ZNF865: variants seen among roughly 807,000 people sequenced by gnomAD.
ZNF865 encodes zinc finger protein 865.
For synonymous variants in ZNF865, 763 were observed against 750.8 expected, an observed-to-expected ratio of 1.02 and a Z score of -0.27; for missense variants, 1,311 against 1,593.4, an observed-to-expected ratio of 0.82 and a Z score of 3.02.
chr19:55,614,770 CA>C lies in ZNF865; in HGVS notation c.1156del (p.Ser386AlafsTer8). ...AGCCCTTCTCCTGCTCCGTGTGCAGCAAAAGCTTCAACCGCAGGGAGAGTCT... is the reference window on the plus strand; with the variant it reads ...AGCCCTTCTCCTGCTCCGTGTGCAGCAAAGCTTCAACCGCAGGGAGAGTCT... ...EKPFSCSVCS[K>X]SFNRRESLKR... is the part of the protein sequence containing the mutation. On this transcript the variant is annotated frameshift_variant, in exon 2 of 2. Transcript: ENST00000568956. LOFTEE classifies it low-confidence loss of function (END_TRUNC). The surrounding 1 kb of genome is among the most constrained non-coding windows in gnomAD (Gnocchi z 8.0). 1 of 1,571,286 alleles carries C rather than the reference CA, an allele frequency of 6.4e-7. No individual in the cohort carries two copies. The highest frequency in any genetic ancestry group is 2.3e-5 in the East Asian group (1 of 42,820).
intron 1 of ZNF865, among the ~76,000 whole-genome samples, chr19:55,613,288 C>T (rs1280195124): frequency 1.3e-5 from 2 of 152,146 alleles, no homozygotes; most frequent in Middle Eastern, 3.4e-3. Context: ...CTCTACAAAG[C>T]TGTGTCAGGA....
At position 55,615,682 on chromosome 19, in the gene ZNF865, G is replaced by A. The variant is rs1190226416; in HGVS notation, c.2064G>A (p.Lys688=). 30 of 1,534,610 alleles carry A rather than the reference G, an allele frequency of 2.0e-5. No homozygotes were observed. Among genetic ancestry groups the A allele is most frequent in the Non-Finnish European group, 2.6e-5 (30 of 1,146,266 alleles). The change falls in exon 2 of 2, where the codon AAG becomes AAA. Residue 688 remains lysine, a synonymous_variant. Transcript: ENST00000568956. ...ATCTCTTTCACGTCATGAGTCACAA[G>A]GAGGTCCACATGGCAGAGAAGCCAT... is the stretch of plus-strand genomic sequence containing the variant. ...FPDLFHVMSH[K]EVHMAEKPYG...
rs1295666888 is a variant in ZNF865 at position 55,614,834 on chromosome 19, C to T, written c.1216C>T (p.Arg406Cys). 7 of 1,534,810 alleles carry T rather than the reference C, an allele frequency of 4.6e-6. No individual in the cohort carries two copies. The highest frequency in any genetic ancestry group is 6.1e-6 in the Non-Finnish European group (7 of 1,146,800). The change falls in exon 2 of 2, where the codon CGC (arginine) becomes TGC (cysteine). Residue 406 changes from arginine (R) to cysteine (C), a missense_variant. Transcript: ENST00000568956. The surrounding 1 kb of genome is among the most constrained non-coding windows in gnomAD (Gnocchi z 8.0). ...HVKTHSADLL[R>C]LPCGICGKAF... ...GAAGACGCACTCGGCCGACCTCCTG[C>T]GCCTGCCCTGCGGCATCTGCGGGAA...
intron 1 of ZNF865, among the ~76,000 whole-genome samples, chr19:55,607,439 G>GAAAAA (rs112301848): frequency 2.6e-5 from 2 of 78,414 alleles, no homozygotes; most frequent in Non-Finnish European, 2.5e-5. Context: ...GTCTTTACAG[G>GAAAAA]AAAAAAAAAA....
At position 55,616,127 on chromosome 19, in the gene ZNF865, C is replaced by T. The variant is rs1338622062; in HGVS notation, c.2509C>T (p.Leu837=). The T allele has an allele frequency of 6.7e-7, 1 of 1,495,570 alleles. No individual in the cohort carries two copies. The highest frequency in any genetic ancestry group is 8.9e-7 in the Non-Finnish European group (1 of 1,124,784). 92.6% of individuals were successfully genotyped at this position (1,495,570 alleles called of 1,614,324 possible). A position where few individuals can be genotyped will look rare whatever the true frequency, so the allele number is the denominator to read the frequency against. ...QSFAGAYDLL[L]HRRSHRQKRG... ...CTTCGCGGGCGCCTACGACTTGCTC[C>T]TACACCGCCGCAGCCATCGGCAGAA... is the stretch of plus-strand genomic sequence containing the variant. The change falls in exon 2 of 2, where the codon CTA becomes TTA. Residue 837 remains leucine (L), a synonymous_variant. Coordinates refer to ENST00000568956, the MANE Select transcript of ZNF865 (RefSeq NM_001195605.2).
chr19:55,612,305 A>G (rs1165720029), intron 1 of ZNF865, among the ~76,000 whole-genome samples: 1 of 152,144 alleles, frequency 6.6e-6, no homozygotes, highest in East Asian at 1.9e-4. Flanking sequence ...TGATTGTATC[A>G]GACCACCTTC....
chr19:55,615,457 G>C lies in ZNF865; in HGVS notation c.1839G>C (p.Lys613Asn). Residue 613 changes from lysine to asparagine, a missense_variant, in exon 2 of 2, where the codon AAG becomes AAC. Transcript: ENST00000568956. ...ERPYKCELCG[K>N]VFGYPQSLTR... is the part of the protein sequence containing the mutation. ...CCTACAAGTGCGAGCTCTGCGGCAA[G>C]GTCTTCGGCTACCCGCAGAGCCTCA... 6.6e-7 allele frequency: 1 copy of C among 1,505,548 alleles called. No individual in the cohort carries two copies. The highest frequency in any genetic ancestry group is 8.8e-7 in the Non-Finnish European group (1 of 1,130,870). 93.3% of individuals were successfully genotyped at this position (1,505,548 alleles called of 1,614,324 possible). A position where few individuals can be genotyped will look rare whatever the true frequency, so the allele number is the denominator to read the frequency against.
rs1460962146 is a variant in ZNF865 at position 55,613,990 on chromosome 19, G to C, written c.372G>C (p.Pro124=). 2 of 1,518,884 alleles carry C rather than the reference G, an allele frequency of 1.3e-6. No homozygotes were observed. Among genetic ancestry groups the C allele is most frequent in the South Asian group, 1.2e-5 (1 of 81,680 alleles). 94.1% of individuals were successfully genotyped at this position (1,518,884 alleles called of 1,614,324 possible). The part of the protein sequence containing the change: ...SSSSQAKKPD[P]PLPPAFGAPP... ...CTTCCCAAGCCAAGAAGCCCGATCC[G>C]CCCCTGCCGCCCGCCTTCGGGGCGC... The change falls in exon 2 of 2, where the codon CCG becomes CCC. Residue 124 remains proline, a synonymous_variant. Transcript: ENST00000568956.
Position 55,615,661 on chromosome 19 carries a change from C to G in ZNF865, c.2043C>G (p.Leu681=). The change falls in exon 2 of 2, where the codon CTC becomes CTG. Residue 681 remains leucine, a synonymous_variant. Transcript: ENST00000568956. The part of the protein sequence containing the change: ...CSDCGEHFPD[L]FHVMSHKEVH... ...ACTGCGGCGAGCACTTCCCGGATCT[C>G]TTTCACGTCATGAGTCACAAGGAGG... 1 of 1,534,802 alleles carries G rather than the reference C, an allele frequency of 6.5e-7. No homozygotes were observed. The highest frequency in any genetic ancestry group is 8.7e-7 in the Non-Finnish European group (1 of 1,146,332).
rs999618363 is a variant in ZNF865, at chr19:55,606,304, C to G, written c.-27+572C>G. Among the ~76,000 whole-genome samples, 3 of 152,184 alleles carry G rather than the reference C, an allele frequency of 2.0e-5. No homozygotes were observed. The South Asian group carries it at 6.2e-4, about 32-fold the overall frequency. The stretch of plus-strand genomic sequence containing the variant: ...TGGTCAGCACCAAGAATGCCTTTTT[C>G]CCTTCTGCAGGTCCTCCAGTGATTC... On this transcript the variant is annotated intron_variant, in intron 1 of 1. Transcript: ENST00000568956.
chr19:55,609,294 T>C (rs200007779), intron 1 of ZNF865, among the ~76,000 whole-genome samples: 2 of 152,184 alleles, frequency 1.3e-5, no homozygotes, highest in East Asian at 3.9e-4. Flanking sequence ...GTGCTGGCAT[T>C]ACAGGCATGA....
chr19:55,610,172 C>T (rs1169432052), intron 1 of ZNF865, among the ~76,000 whole-genome samples: 1 of 152,228 alleles, frequency 6.6e-6, no homozygotes. Flanking sequence ...CTGTGCATTT[C>T]CCTCTGAGCA....
intron 1 of ZNF865, among the ~76,000 whole-genome samples, chr19:55,607,463 G>C (rs1203530828): frequency 7.2e-6 from 1 of 138,050 alleles, no homozygotes; most frequent in Non-Finnish European, 1.6e-5. Flanking sequence ...AAAAAAAAAA[G>C]CTGGGTGTGG....
chr19:55,610,810 G>A (rs1981105833), intron 1 of ZNF865, among the ~76,000 whole-genome samples: 1 of 152,330 alleles, frequency 6.6e-6, no homozygotes, highest in South Asian at 2.1e-4. Flanking sequence ...CCTGCGGCTG[G>A]ATGAGGGACT....
chr19:55,615,897 C>T lies in ZNF865; in HGVS notation c.2279C>T (p.Ala760Val). ...DNGLAGEVGA[A>V]VAALAGVSGG... The stretch of plus-strand genomic sequence containing the variant: ...GGGCTGGCGGGGGAGGTGGGGGCGG[C>T]CGTGGCGGCACTGGCAGGGGTGTCT... Residue 760 changes from alanine (A) to valine (V), a missense_variant, in exon 2 of 2, where the codon GCC (alanine) becomes GTC (valine). Coordinates refer to ENST00000568956, the MANE Select transcript of ZNF865 (RefSeq NM_001195605.2). 1 of 1,473,966 alleles carries T rather than the reference C, an allele frequency of 6.8e-7. No homozygotes were observed. The highest frequency in any genetic ancestry group is 8.9e-7 in the Non-Finnish European group (1 of 1,120,174). 91.3% of individuals were successfully genotyped at this position (1,473,966 alleles called of 1,614,324 possible).
intron 1 of ZNF865, among the ~76,000 whole-genome samples, chr19:55,610,354 G>A (rs572298514): frequency 2.0e-5 from 3 of 152,160 alleles, no homozygotes; most frequent in African/African-American, 4.8e-5. Context: ...TCCACCTCCC[G>A]AGTTCAAGCG....
In ZNF865 at chr19:55,616,523, T is replaced by A; in HGVS notation, c.2905T>A (p.Phe969Ile). ...CCGCTGTGAGCACTGCGGCAAGGGC[T>A]TCTTCTACCTGAGCTCCGTGCTGCG... ...AYRCEHCGKG[F>I]FYLSSVLRHQ... Residue 969 changes from phenylalanine (F) to isoleucine (I), a missense_variant, in exon 2 of 2, where the codon TTC (phenylalanine) becomes ATC (isoleucine). Physicochemically the swap from Phe to Ile is conservative, Grantham distance 21. Coordinates refer to ENST00000568956, the MANE Select transcript of ZNF865 (RefSeq NM_001195605.2). 1 of 1,534,704 alleles carries A rather than the reference T, an allele frequency of 6.5e-7. No homozygotes were observed. Among genetic ancestry groups the A allele is most frequent in the Non-Finnish European group, 8.7e-7 (1 of 1,146,242 alleles).
chr19:55,607,139 C>G (rs1207622817), intron 1 of ZNF865, among the ~76,000 whole-genome samples: 1 of 152,118 alleles, frequency 6.6e-6, no homozygotes. Context: ...TCAGCTCTAC[C>G]GAGCCCAGAA....
Position 55,614,259 on chromosome 19 carries a change from G to A in ZNF865, c.641G>A (p.Arg214Gln). The change falls in exon 2 of 2, where the codon CGG becomes CAG. Residue 214 changes from arginine (R) to glutamine (Q), a missense_variant. Physicochemically the swap from Arg to Gln is conservative, Grantham distance 43. Coordinates refer to ENST00000568956, the MANE Select transcript of ZNF865 (RefSeq NM_001195605.2). The surrounding 1 kb of genome is among the most constrained non-coding windows in gnomAD (Gnocchi z 8.0). ...ACCAAGGACGACAAGGGCTACTTCC[G>A]GAGACTGAAGTACCTGATGGAGCGG... ...DPTKDDKGYFRRLKYLMERRF... is the reference protein window; with the variant it reads ...DPTKDDKGYFQRLKYLMERRF... 1 of 1,514,774 alleles carries A rather than the reference G, an allele frequency of 6.6e-7. No homozygotes were observed. The highest frequency in any genetic ancestry group is 8.8e-7 in the Non-Finnish European group (1 of 1,136,904). 93.8% of individuals were successfully genotyped at this position (1,514,774 alleles called of 1,614,324 possible).
Sources: allele counts gnomAD v4.1 joint callset (sites outside exome capture counted in the v4.1 genomes callset), GRCh38; gene constraint gnomAD v4.1.1; non-coding constraint Gnocchi (gnomAD v3.1); transcripts MANE v1.5; gene names NCBI Gene and HGNC (gene_info 2026-07-23, HGNC 2026-07-21).